The following RBPMS variants were observed in gnomAD, a reference collection of about 807,000 sequenced individuals.
The protein encoded by RBPMS is RNA binding protein, mRNA processing factor.
A neutral mutation model predicts 26.8 loss-of-function variants in RBPMS; 7 were observed. The ratio of observed to expected loss-of-function variants is 0.26; its 90% CI spans 0.15 to 0.49. The LOEUF (loss-of-function observed/expected upper bound fraction) is 0.49. Among genes scored for constraint, RBPMS ranks in the 20% least tolerant of loss-of-function variants. The probability of loss-of-function intolerance (pLI) is 0.98; values close to 1 mark genes in which losing one functional copy is unlikely to be tolerated. For missense variants in RBPMS, 186 were observed against 250.0 expected, an observed-to-expected ratio of 0.74 and a Z score of 1.73; for synonymous variants, 96 against 93.3, an observed-to-expected ratio of 1.03 and a Z score of -0.17.
chr8:30,385,582 T>G (rs1015576462), intron 1 of RBPMS, among the ~76,000 whole-genome samples: 2 of 152,020 alleles, frequency 1.3e-5, no homozygotes, highest in Admixed American at 1.3e-4. Context: ...CGTTAAAAGA[T>G]ACCTCTATTC....
At chr8:30,513,453 G>A (rs766630496) in intron 5 of RBPMS, among the ~76,000 whole-genome samples, 1 of 151,694 alleles carries the variant, frequency 6.6e-6, no homozygotes, top group African/African-American at 2.4e-5. Context: ...GCCGGGAGTG[G>A]TGGCAGGCGC....
intron 6 of RBPMS, among the ~76,000 whole-genome samples, chr8:30,548,341 T>C (rs1483384962): frequency 7.3e-6 from 1 of 136,540 alleles, no homozygotes; most frequent in African/African-American, 2.9e-5. Flanking sequence ...CGTTAAAGTA[T>C]ACTGTCCTTA....
chr8:30,476,731 C>A (rs1817737882), intron 2 of RBPMS, among the ~76,000 whole-genome samples: 1 of 152,156 alleles, frequency 6.6e-6, no homozygotes, highest in African/African-American at 2.4e-5. Context: ...TCAATCACGT[C>A]AAGTGGTGTG....
rs1585909239 is a variant in RBPMS, at chr8:30,566,346, A to C, written c.*97A>C. The C allele has an allele frequency of 5.3e-6, 5 of 950,424 alleles. No individual in the cohort carries two copies. The South Asian group carries it at 2.5e-4, about 47-fold the overall frequency. 58.9% of individuals were successfully genotyped at this position (950,424 alleles called of 1,614,324 possible). A position where few individuals can be genotyped will look rare whatever the true frequency, so the allele number is the denominator to read the frequency against. ...CTACTGTTCTCTAGCTGTTCTACAA[A>C]ACTGGAGCATGCTGGTGAGTAACAG... On this transcript the variant is annotated 3_prime_UTR_variant, in exon 8 of 9. Coordinates refer to ENST00000397323, the MANE Select transcript of RBPMS (RefSeq NM_001008710.3).
rs563039893 is a variant in RBPMS at position 30,477,657 on chromosome 8, ATGTG to A, written c.145-138_145-135del. The stretch of plus-strand genomic sequence containing the variant: ...TGTGTGTGTGTGCACATGCACATGC[ATGTG>A]TGTAATTTGCTTTCCCAGATAACTT... On this transcript the variant is annotated intron_variant, in intron 2 of 8. Coordinates refer to ENST00000397323, the MANE Select transcript of RBPMS (RefSeq NM_001008710.3). 40 of 602,730 alleles carry A rather than the reference ATGTG, an allele frequency of 6.6e-5. No individual in the cohort carries two copies. The East Asian group carries it at 1.1e-3, about 17-fold the overall frequency. The allele number at this position is 602,730 out of a possible 1,614,324, so 37.3% of individuals were successfully genotyped here.
chr8:30,558,027 G>A (rs1204486373), intron 6 of RBPMS, among the ~76,000 whole-genome samples: 5 of 152,186 alleles, frequency 3.3e-5, no homozygotes, highest in African/African-American at 4.8e-5. Context: ...CCCACGCCCA[G>A]CTAATTTTGT....
At chr8:30,435,228 T>TG (rs944058521) in intron 1 of RBPMS, among the ~76,000 whole-genome samples, 4 of 152,214 alleles carry the variant, frequency 2.6e-5, no homozygotes, top group African/African-American at 9.6e-5. Flanking sequence ...AAATTACCTT[T>TG]GGGCTACACA....
chr8:30,518,007 G>T (rs981146034), intron 5 of RBPMS, among the ~76,000 whole-genome samples: 7 of 152,178 alleles, frequency 4.6e-5, no homozygotes, highest in African/African-American at 1.7e-4. Flanking sequence ...GCACTGGGCA[G>T]GGATATTGTG....
intron 5 of RBPMS, among the ~76,000 whole-genome samples, chr8:30,517,796 G>A (rs1289298609): frequency 6.6e-6 from 1 of 152,230 alleles, no homozygotes; most frequent in Non-Finnish European, 1.5e-5. Flanking sequence ...GTATGGGAAA[G>A]ACCTGGTGGT....
Position 30,545,377 on chromosome 8 carries a change from A to G in RBPMS, c.528+753A>G, listed in dbSNP as rs1421880599. 3 of 1,146,494 alleles carry G rather than the reference A, an allele frequency of 2.6e-6. No individual in the cohort carries two copies. The Admixed American group carries it at 1.3e-4, about 51-fold the overall frequency. The allele number at this position is 1,146,494 out of a possible 1,614,324, so 71.0% of individuals were successfully genotyped here. On this transcript the variant is annotated intron_variant, in intron 6 of 8. Coordinates refer to ENST00000397323, the MANE Select transcript of RBPMS (RefSeq NM_001008710.3). ...TTCTCTTAGCTTCGCTTTTAGTGCA[A>G]GTGGTAGTAATCAGTGTAAAGATTC...
At position 30,461,824 on chromosome 8, in the gene RBPMS, T is replaced by C. The variant is rs186835759; in HGVS notation, c.67-12955T>C. ...GTTGATATAATCCACTAATTTTGTTTCTGTGAAGTTTTATTATATGTGTGT... is the reference window on the plus strand; with the variant it reads ...GTTGATATAATCCACTAATTTTGTTCCTGTGAAGTTTTATTATATGTGTGT... On this transcript the variant is annotated intron_variant, in intron 1 of 8. Transcript: ENST00000397323. Among the ~76,000 whole-genome samples the C allele has an allele frequency of 9.8e-5, 15 of 152,354 alleles. No homozygotes were observed. In the East Asian group the frequency reaches 2.9e-3, roughly 29 times the overall value.
intron 5 of RBPMS, among the ~76,000 whole-genome samples, chr8:30,520,374 C>A (rs1224649850): frequency 6.6e-6 from 1 of 152,130 alleles, no homozygotes; most frequent in Non-Finnish European, 1.5e-5. Context: ...TTTCCCCTTT[C>A]CCTACTTTTG....
intron 4 of RBPMS, among the ~76,000 whole-genome samples, chr8:30,489,033 G>A (rs1460817926): frequency 1.3e-5 from 2 of 152,086 alleles, no homozygotes; most frequent in East Asian, 3.9e-4. Context: ...GAGATGGTGG[G>A]TGTTTTTGTT....
intron 1 of RBPMS, among the ~76,000 whole-genome samples, chr8:30,443,468 T>G (rs1327185312): frequency 6.6e-6 from 1 of 152,200 alleles, no homozygotes; most frequent in African/African-American, 2.4e-5. Flanking sequence ...ACCCTTAGTT[T>G]CCTTAGCTGC....
chr8:30,533,241 T>C (rs1824422946), intron 5 of RBPMS, among the ~76,000 whole-genome samples: 1 of 152,174 alleles, frequency 6.6e-6, no homozygotes, highest in South Asian at 2.1e-4. Flanking sequence ...TCATGGAGTA[T>C]GCAGGGGGAT....
chr8:30,426,636 G>A (rs1811379590), intron 1 of RBPMS, among the ~76,000 whole-genome samples: 1 of 151,826 alleles, frequency 6.6e-6, no homozygotes, highest in Admixed American at 6.6e-5. Flanking sequence ...TCAAGGGAGC[G>A]AGGAAGGGAG....
chr8:30,433,895 T>A (rs1007671309), intron 1 of RBPMS, among the ~76,000 whole-genome samples: 1 of 152,248 alleles, frequency 6.6e-6, no homozygotes, highest in African/African-American at 2.4e-5. Context: ...TCAAATATGA[T>A]CTATTTCAAC....
intron 4 of RBPMS, among the ~76,000 whole-genome samples, chr8:30,502,557 A>C (rs1820672862): frequency 6.6e-6 from 1 of 152,186 alleles, no homozygotes; most frequent in East Asian, 1.9e-4. Context: ...GACGTCCTGA[A>C]GTTGATGGCA....
At chr8:30,516,626 A>C (rs1376106585) in intron 5 of RBPMS, among the ~76,000 whole-genome samples, 1 of 152,216 alleles carries the variant, frequency 6.6e-6, no homozygotes, top group Non-Finnish European at 1.5e-5. Flanking sequence ...AGCTTATTTC[A>C]AGAAATGTGG....
Sources: allele counts gnomAD v4.1 joint callset (sites outside exome capture counted in the v4.1 genomes callset), GRCh38; gene constraint gnomAD v4.1.1; transcripts MANE v1.5; gene names NCBI Gene and HGNC (gene_info 2026-07-23, HGNC 2026-07-21).